The following TLL2 variants were observed in gnomAD, a reference collection of about 807,000 sequenced individuals.
TLL2 encodes tolloid-like protein 2.
In TLL2, 106 loss-of-function variants were observed where a neutral mutation model predicts 123.0. That is an observed-to-expected ratio of 0.86 (90% CI 0.74 to 1.01). The LOEUF (loss-of-function observed/expected upper bound fraction) is 1.01, where lower values mean the gene tolerates loss of function less well. Ranked by LOEUF, TLL2 falls within the 50% of genes least tolerant of loss-of-function variation. The pLI is 0.00. For synonymous variants in TLL2, 494 were observed against 516.8 expected, an observed-to-expected ratio of 0.96 and a Z score of 0.60; for missense variants, 1,332 against 1,336.7, an observed-to-expected ratio of 1.00 and a Z score of 0.06.
chr10:96,387,430 T>G (rs1341408238), intron 13 of TLL2, among the ~76,000 whole-genome samples: 1 of 152,192 alleles, frequency 6.6e-6, no homozygotes, highest in East Asian at 1.9e-4. Context: ...TTTAAAACCA[T>G]GGAATTGAGG....
chr10:96,395,109 T>C (rs1846324562), intron 13 of TLL2, 78 bp downstream of exon 13: 6 of 1,425,554 alleles, frequency 4.2e-6, no homozygotes, highest in African/African-American at 2.9e-5. Flanking sequence ...AGCTTCCATA[T>C]GGTTTTGTGT....
intron 1 of TLL2, among the ~76,000 whole-genome samples, chr10:96,500,810 G>GAGGGACGGAGGGAGGGAGGGAGGC (rs1847527063): frequency 7.2e-6 from 1 of 139,084 alleles, no homozygotes; most frequent in African/African-American, 2.7e-5. Flanking sequence ...GGGACGGAGG[G>GAGGGACGGAGGGAGGGAGGGAGGC]AGGGAGGGAG....
intron 1 of TLL2, among the ~76,000 whole-genome samples, chr10:96,509,065 GA>G (rs1409915959): frequency 6.6e-6 from 1 of 152,138 alleles, no homozygotes; most frequent in Non-Finnish European, 1.5e-5. Flanking sequence ...CACCCACATA[GA>G]GAGACCACAT....
intron 11 of TLL2, among the ~76,000 whole-genome samples, chr10:96,396,434 C>A (rs1211627842): frequency 6.6e-6 from 1 of 150,474 alleles, no homozygotes; most frequent in African/African-American, 2.5e-5. Flanking sequence ...TGCGCGCACA[C>A]GTGCACACAT....
chr10:96,383,777 C>T lies in TLL2; in HGVS notation c.2194+810G>A, dbSNP rs377235352. On this transcript the variant is annotated intron_variant, in intron 16 of 20. Transcript: ENST00000357947. Reference sequence around the variant, plus strand: ...CTGGGATTACAGGCACACACCACCACGCCCGGCTAATTTTTTTTTTTTTTT... The same window carrying T: ...CTGGGATTACAGGCACACACCACCATGCCCGGCTAATTTTTTTTTTTTTTT... Among the ~76,000 whole-genome samples, 86 of 136,492 alleles carry T rather than the reference C, an allele frequency of 6.3e-4. No homozygotes were observed. The South Asian group carries it at 0.018, about 28-fold the overall frequency. 89.5% of individuals were successfully genotyped at this position (136,492 alleles called of 152,430 possible). A position where few individuals can be genotyped will look rare whatever the true frequency, so the allele number is the denominator to read the frequency against.
intron 2 of TLL2, among the ~76,000 whole-genome samples, chr10:96,457,608 T>C (rs1017214172): frequency 1.3e-5 from 2 of 152,198 alleles, no homozygotes; most frequent in Non-Finnish European, 2.9e-5. Flanking sequence ...CTCTCGTTCA[T>C]GCAGACTTCC....
chr10:96,494,188 C>A (rs1262520218), intron 1 of TLL2, among the ~76,000 whole-genome samples: 1 of 152,322 alleles, frequency 6.6e-6, no homozygotes, highest in East Asian at 1.9e-4. Context: ...CCCCTCCGCA[C>A]TGAAGATTCC....
chr10:96,446,336 T>C (rs1305710174), intron 2 of TLL2, among the ~76,000 whole-genome samples, 168 bp from the exon 3 acceptor site: 3 of 152,208 alleles, frequency 2.0e-5, no homozygotes, highest in African/African-American at 7.2e-5. Flanking sequence ...CCCCACACTA[T>C]TCTAGATGTG....
At chr10:96,510,618 T>G (rs1255908981) in intron 1 of TLL2, among the ~76,000 whole-genome samples, 1 of 152,236 alleles carries the variant, frequency 6.6e-6, no homozygotes, top group Non-Finnish European at 1.5e-5. Context: ...ATGAGGAAGC[T>G]AATGCCCAGA....
At chr10:96,502,084 G>A (rs555334529) in intron 1 of TLL2, among the ~76,000 whole-genome samples, 1 of 152,288 alleles carries the variant, frequency 6.6e-6, no homozygotes, top group South Asian at 2.1e-4. Context: ...AAGGCCTCAT[G>A]GGGGAAATGA....
intron 4 of TLL2, among the ~76,000 whole-genome samples, 158 bp downstream of exon 4, chr10:96,432,649 G>A (rs1024143773): frequency 6.6e-6 from 1 of 152,108 alleles, no homozygotes; most frequent in Admixed American, 6.5e-5. Flanking sequence ...CAGGACTGGT[G>A]GGCCAGGACT....
intron 16 of TLL2, among the ~76,000 whole-genome samples, chr10:96,384,072 A>G (rs566034774): frequency 1.4e-4 from 22 of 152,322 alleles, no homozygotes; most frequent in Middle Eastern, 3.4e-3. Flanking sequence ...AGATGAAATC[A>G]TCTTGGATTT....
intron 19 of TLL2, among the ~76,000 whole-genome samples, chr10:96,371,666 G>A (rs1033697115): frequency 5.9e-5 from 9 of 152,298 alleles, no homozygotes; most frequent in African/African-American, 1.4e-4. Flanking sequence ...CACAGAGCAG[G>A]GTGGGACGCC....
chr10:96,428,119 G>A (rs540174236), intron 5 of TLL2, among the ~76,000 whole-genome samples: 69 of 152,284 alleles, frequency 4.5e-4, no homozygotes, highest in African/African-American at 1.5e-3. Flanking sequence ...GATCCAACAT[G>A]AGAAGCTTTT....
intron 17 of TLL2, among the ~76,000 whole-genome samples, chr10:96,378,670 T>A (rs995361676): frequency 2.0e-5 from 3 of 152,136 alleles, no homozygotes; most frequent in African/African-American, 7.2e-5. Flanking sequence ...TTGCCCAAGG[T>A]CACACAGCTA....
At chr10:96,470,982 T>C (rs182527489) in intron 2 of TLL2, among the ~76,000 whole-genome samples, 2 of 152,254 alleles carry the variant, frequency 1.3e-5, no homozygotes, top group Non-Finnish European at 2.9e-5. Flanking sequence ...AGAGTGTGGC[T>C]CAGGACAACT....
At chr10:96,457,281 C>T (rs759741541) in intron 2 of TLL2, among the ~76,000 whole-genome samples, 49 of 152,144 alleles carry the variant, frequency 3.2e-4, no homozygotes, top group Non-Finnish European at 6.3e-4. Context: ...GAAAGCTCTT[C>T]CCAGGCCCCA....
Position 96,405,330 on chromosome 10 carries a change from A to G in TLL2, c.1169T>C (p.Val390Ala), listed in dbSNP as rs1182460141. 1 of 1,614,102 alleles carries G rather than the reference A, an allele frequency of 6.2e-7. No individual in the cohort carries two copies. The highest frequency in any genetic ancestry group is 1.7e-5 in the Admixed American group (1 of 60,024). ...CAAATCCATGGATGTGAAGTTTAATACGATCTGTAAAGAATTACCATAAAG... is the reference window on the plus strand; with the variant it reads ...CAAATCCATGGATGTGAAGTTTAATGCGATCTGTAAAGAATTACCATAAAG... ...RISVTPGEKI[V>A]LNFTSMDLFK... The change falls in exon 10 of 21, where the codon GTA becomes GCA. Residue 390 changes from valine to alanine, a missense_variant. By Grantham distance (64) the Val-to-Ala change is moderately conservative. Transcript: ENST00000357947.
At chr10:96,479,853 C>T (rs1589433168) in intron 2 of TLL2, among the ~76,000 whole-genome samples, 1 of 152,188 alleles carries the variant, frequency 6.6e-6, no homozygotes, top group African/African-American at 2.4e-5. Flanking sequence ...TCTGCCTTTG[C>T]AAAAGACTCT....
Sources: gnomAD v4.1 joint callset for allele counts (sites outside exome capture counted in the v4.1 genomes callset) on GRCh38, gnomAD v4.1.1 for gene constraint, MANE v1.5 for transcripts, NCBI Gene and HGNC (gene_info 2026-07-23, HGNC 2026-07-21) for gene names.